Variants in CCDC171 observed in about 807,000 individuals in gnomAD.
CCDC171 encodes coiled-coil domain containing 171.
In CCDC171, 177 loss-of-function variants were observed where a neutral mutation model predicts 168.2. That is an observed-to-expected ratio of 1.05 (90% CI 0.93 to 1.19). The LOEUF (loss-of-function observed/expected upper bound fraction) is 1.19. CCDC171 is among the 50% of genes most tolerant of loss of function. The pLI is 0.00. For synonymous variants in CCDC171, 687 were observed against 540.8 expected (o/e 1.27, Z -3.75); for missense variants, 1,991 against 1,539.0 (o/e 1.29, Z -4.91).
At chr9:16,094,391 A>G in the CCDC171 span, among the ~76,000 whole-genome samples, 1 of 152,304 alleles carries the variant, frequency 6.6e-6, no homozygotes, top group African/African-American at 2.4e-5. Flanking sequence ...ACCTTTATGG[A>G]GCGAGTGCTC....
the CCDC171 span, among the ~76,000 whole-genome samples, chr9:16,091,369 C>A: frequency 1.3e-5 from 2 of 152,136 alleles, no homozygotes; most frequent in Non-Finnish European, 2.9e-5. Context: ...AAGATGAGAC[C>A]CAAGAGGTGG....
At chr9:15,822,486 A>G (rs2059821771) in intron 21 of CCDC171, among the ~76,000 whole-genome samples, 2 of 152,288 alleles carry the variant, frequency 1.3e-5, no homozygotes, top group Non-Finnish European at 2.9e-5. Context: ...CAAATTTACA[A>G]GAAAAAAAAC....
At chr9:15,740,726 C>T (rs2054817945) in intron 16 of CCDC171, among the ~76,000 whole-genome samples, 1 of 152,170 alleles carries the variant, frequency 6.6e-6, no homozygotes, top group South Asian at 2.1e-4. Flanking sequence ...AGGCATGAGC[C>T]ACCGTGCCCG....
At chr9:15,886,050 A>G (rs1819353497) in intron 24 of CCDC171, 1 of 152,158 alleles carries the variant, frequency 6.6e-6, no homozygotes, top group African/African-American at 2.4e-5. Flanking sequence ...CAGTTTTAAA[A>G]ATATTTTATT....
At chr9:15,679,159 T>C (rs1474379431) in intron 10 of CCDC171, among the ~76,000 whole-genome samples, 1 of 151,272 alleles carries the variant, frequency 6.6e-6, no homozygotes, top group African/African-American at 2.4e-5. Context: ...ATTCAAATGT[T>C]TTTTTTTTAT....
chr9:15,607,999 G>A (rs1003468298), intron 6 of CCDC171, among the ~76,000 whole-genome samples: 4 of 152,130 alleles, frequency 2.6e-5, no homozygotes, highest in African/African-American at 4.8e-5. Context: ...TGCATCTGAC[G>A]ATGGCCTTCT....
intron 6 of CCDC171, among the ~76,000 whole-genome samples, chr9:15,602,965 A>T (rs975578814): frequency 1.3e-5 from 2 of 151,226 alleles, no homozygotes; most frequent in Non-Finnish European, 3.0e-5. Context: ...GCCTTATTTA[A>T]TTTTTTTAAT....
At chr9:16,041,934 G>A (rs1276967114), upstream of CCDC171, among the ~76,000 whole-genome samples, 1 of 152,088 alleles carries the variant, frequency 6.6e-6, no homozygotes, top group African/African-American at 2.4e-5. Context: ...TGCATTTTGG[G>A]GGCATTTTGG....
rs771349051 is a variant in CCDC171 at position 15,724,963 on chromosome 9, A to G, written c.1679A>G (p.His560Arg). ...SELQKLSQAF[H>R]KDAEEKLTFL... The stretch of plus-strand genomic sequence containing the variant: ...CTGCAGAAGCTTTCCCAGGCTTTCC[A>G]TAAGGATGCAGAGGTATTACCTGAG... The change falls in exon 14 of 26, where the codon CAT (histidine) becomes CGT (arginine). Residue 560 changes from histidine to arginine, a missense_variant. Coordinates refer to ENST00000380701, the MANE Select transcript of CCDC171 (RefSeq NM_173550.4). The G allele has an allele frequency of 2.5e-6, 4 of 1,613,536 alleles. No individual in the cohort carries two copies. Among genetic ancestry groups the G allele is most frequent in the East Asian group, 2.2e-5 (1 of 44,870 alleles).
At chr9:15,948,143 A>G (rs1363032845) in intron 25 of CCDC171, among the ~76,000 whole-genome samples, 2 of 151,612 alleles carry the variant, frequency 1.3e-5, no homozygotes, top group African/African-American at 4.8e-5. Flanking sequence ...TGTCCCTACA[A>G]AGGACATGAA....
chr9:15,826,443 C>G (rs2060014715), intron 21 of CCDC171, among the ~76,000 whole-genome samples: 1 of 152,144 alleles, frequency 6.6e-6, no homozygotes, highest in Non-Finnish European at 1.5e-5. Context: ...GATGTGGAGT[C>G]TATTTCCCTC....
chr9:15,639,858 A>G (rs1564113143), intron 7 of CCDC171, among the ~76,000 whole-genome samples: 1 of 152,200 alleles, frequency 6.6e-6, no homozygotes, highest in Non-Finnish European at 1.5e-5. Context: ...TAAAACAGTT[A>G]CAGATGAATT....
intron 11 of CCDC171, among the ~76,000 whole-genome samples, chr9:15,701,131 C>T (rs2051698603): frequency 6.6e-6 from 1 of 152,108 alleles, no homozygotes; most frequent in African/African-American, 2.4e-5. Flanking sequence ...CTTGTGTATT[C>T]TGGATATTAG....
chr9:15,601,690 AGAG>A (rs1474324185), intron 6 of CCDC171, among the ~76,000 whole-genome samples: 1 of 152,232 alleles, frequency 6.6e-6, no homozygotes, highest in Non-Finnish European at 1.5e-5. Context: ...GTGCCACAGA[AGAG>A]AAGTTGATTA....
intron 25 of CCDC171, among the ~76,000 whole-genome samples, chr9:15,946,021 G>C (rs10810493): frequency 0.33 from 48,852 of 150,202 alleles, 10,026 homozygotes; most frequent in East Asian, 0.64. Flanking sequence ...TAGGTCTATC[G>C]TTTAAGTCTT....
chr9:16,045,156 T>C (rs1390111439), intron 1 of CCDC171, among the ~76,000 whole-genome samples: 2 of 152,200 alleles, frequency 1.3e-5, no homozygotes, highest in Admixed American at 6.5e-5. Flanking sequence ...AATGCAATTC[T>C]TGTTTGGGGG....
intron 18 of CCDC171, among the ~76,000 whole-genome samples, chr9:15,761,366 C>T (rs2056436072): frequency 6.6e-6 from 1 of 152,072 alleles, no homozygotes; most frequent in Admixed American, 6.6e-5. Flanking sequence ...AGAAAAGATA[C>T]TGGTATTGAT....
chr9:15,980,212 A>T (rs891334298), intron 3 of CCDC171, among the ~76,000 whole-genome samples: 3 of 152,204 alleles, frequency 2.0e-5, no homozygotes, highest in African/African-American at 7.2e-5. Context: ...CCTTTGTAGA[A>T]TCAAAAGGTT....
chr9:16,087,077 G>C, the CCDC171 span, among the ~76,000 whole-genome samples: 1 of 152,194 alleles, frequency 6.6e-6, no homozygotes, highest in Non-Finnish European at 1.5e-5. Flanking sequence ...TAATTTGATT[G>C]CACTGTGGTC....
Sources: allele counts gnomAD v4.1 joint callset (sites outside exome capture counted in the v4.1 genomes callset), GRCh38; gene constraint gnomAD v4.1.1; transcripts MANE v1.5; gene names NCBI Gene and HGNC (gene_info 2026-07-23, HGNC 2026-07-21).